Variants in FRMPD1 observed in about 807,000 individuals in gnomAD.
FRMPD1 encodes FERM and PDZ domain-containing protein 1.
Under a neutral mutation model 117.8 loss-of-function variants are expected in FRMPD1, and 76 were observed. The observed-to-expected ratio is 0.65, with a 90% CI of 0.54 to 0.78. The LOEUF is 0.78. Among genes scored for constraint, FRMPD1 ranks in the 30% least tolerant of loss-of-function variants. The probability of loss-of-function intolerance (pLI) is 0.00; values close to 1 mark genes in which losing one functional copy is unlikely to be tolerated. For synonymous variants in FRMPD1, 783 were observed against 770.4 expected (o/e 1.02, Z -0.27); for missense variants, 1,786 against 1,964.5 (o/e 0.91, Z 1.72).
At chr9:37,716,370 G>C (rs55668414) in intron 5 of FRMPD1, among the ~76,000 whole-genome samples, 1 of 152,206 alleles carries the variant, frequency 6.6e-6, no homozygotes, top group African/African-American at 2.4e-5. Flanking sequence ...CTTTTGCCCA[G>C]TGTTCTGGCA....
chr9:37,619,331 T>C, the FRMPD1 span, among the ~76,000 whole-genome samples: 1 of 152,232 alleles, frequency 6.6e-6, no homozygotes, highest in Non-Finnish European at 1.5e-5. Flanking sequence ...TCTTTGTTAT[T>C]TCCTTATACT....
the FRMPD1 span, among the ~76,000 whole-genome samples, chr9:37,610,695 A>G: frequency 1.3e-5 from 2 of 152,032 alleles, no homozygotes; most frequent in South Asian, 2.1e-4. Flanking sequence ...CCTGGGTTCA[A>G]GAGATTCTCC....
chr9:37,692,736 C>G lies in FRMPD1; in HGVS notation c.95C>G (p.Ser32Trp), dbSNP rs3747540. ...ARWLRRSRDSSARAKVAAADG... is the reference protein window; with the variant it reads ...ARWLRRSRDSWARAKVAAADG... ...TGGCTTCGGCGCTCCCGGGACAGCT[C>G]GGCCCGGTAAGCCTCCTGAGTTTGC... The change falls in exon 2 of 16, where the codon TCG becomes TGG. Residue 32 changes from serine to tryptophan, a missense_variant. By Grantham distance (177) the Ser-to-Trp change is radical (BLOSUM62 -3). Transcript: ENST00000377765. 2 of 1,610,492 alleles carry G rather than the reference C, an allele frequency of 1.2e-6. No individual in the cohort carries two copies. Among genetic ancestry groups the G allele is most frequent in the East Asian group, 4.5e-5 (2 of 44,870 alleles).
At chr9:37,663,950 C>A in intron 1 of FRMPD1, among the ~76,000 whole-genome samples, 1 of 152,200 alleles carries the variant, frequency 6.6e-6, no homozygotes, top group Admixed American at 6.5e-5. Flanking sequence ...CATCTTTTCC[C>A]CGAATATTTT....
chr9:37,707,296 G>T, intron 2 of FRMPD1, 120 bp from the exon 3 acceptor site: 1 of 711,630 alleles, frequency 1.4e-6, no homozygotes, highest in Non-Finnish European at 2.3e-6. Flanking sequence ...TTTGTCTCAA[G>T]AGGAGAATTG....
intron 14 of FRMPD1, 148 bp from the exon 15 acceptor site, chr9:37,739,930 T>G: frequency 1.6e-6 from 1 of 617,744 alleles, no homozygotes; most frequent in Non-Finnish European, 2.9e-6. Context: ...TCGGATCCCG[T>G]GTTCGTCAGT....
rs1822183911 is a variant in FRMPD1 at position 37,692,713 on chromosome 9, G to A, written c.72G>A (p.Trp24Ter). The change falls in exon 2 of 16, where the codon TGG becomes TGA. Residue 24 changes from tryptophan (W) to a stop codon, truncating the protein, a stop_gained. Coordinates refer to ENST00000377765, the MANE Select transcript of FRMPD1 (RefSeq NM_014907.3). LOFTEE classifies it high-confidence loss of function. ...AHRIEQMVARWLRRSRDSSAR... is the reference protein window; with the variant it reads ...AHRIEQMVAR ...GAATAGAACAAATGGTGGCAAGATGGCTTCGGCGCTCCCGGGACAGCTCGG... is the reference window on the plus strand; with the variant it reads ...GAATAGAACAAATGGTGGCAAGATGACTTCGGCGCTCCCGGGACAGCTCGG... The A allele has an allele frequency of 1.2e-6, 2 of 1,613,872 alleles. No homozygotes were observed. Among genetic ancestry groups the A allele is most frequent in the Non-Finnish European group, 1.7e-6 (2 of 1,179,812 alleles).
rs1418421296 is a variant in FRMPD1, at chr9:37,740,475, G to A, written c.1947G>A (p.Gly649=). The change falls in exon 15 of 16, where the codon GGG becomes GGA. Residue 649 remains glycine (G), a synonymous_variant. Transcript: ENST00000377765. This position sits in a 1 kb window ranked among gnomAD's most constrained non-coding sequence, Gnocchi z 4.2. ...IDSDSQEERS[G]IETSGFLCLL... ...CTGACAGCCAGGAGGAGAGAAGCGG[G>A]ATTGAAACCAGTGGCTTCCTCTGTC... 1 of 1,614,196 alleles carries A rather than the reference G, an allele frequency of 6.2e-7. No individual in the cohort carries two copies. Among genetic ancestry groups the A allele is most frequent in the East Asian group, 2.2e-5 (1 of 44,882 alleles).
At chr9:37,667,823 G>C (rs193189583) in intron 1 of FRMPD1, among the ~76,000 whole-genome samples, 1 of 152,178 alleles carries the variant, frequency 6.6e-6, no homozygotes, top group East Asian at 1.9e-4. Context: ...GAGCCGGCAT[G>C]AGGGCTGAGA....
intron 2 of FRMPD1, among the ~76,000 whole-genome samples, chr9:37,705,838 G>A (rs1274769134): frequency 6.6e-6 from 1 of 151,844 alleles, no homozygotes; most frequent in African/African-American, 2.4e-5. Context: ...TTAACCGGGT[G>A]TGGTAGCACG....
At chr9:37,710,678 T>G (rs977571319) in intron 4 of FRMPD1, among the ~76,000 whole-genome samples, 4 of 152,054 alleles carry the variant, frequency 2.6e-5, no homozygotes, top group Non-Finnish European at 4.4e-5. Flanking sequence ...CCTAAAAAAT[T>G]TTTTTGGGTT....
chr9:37,653,677 A>G (rs1173715485), intron 1 of FRMPD1, among the ~76,000 whole-genome samples: 1 of 152,224 alleles, frequency 6.6e-6, no homozygotes. Context: ...AGCTCTAAAT[A>G]TATCAGCTTT....
intron 7 of FRMPD1, among the ~76,000 whole-genome samples, chr9:37,727,641 C>T (rs548905590): frequency 6.6e-6 from 1 of 152,176 alleles, no homozygotes; most frequent in African/African-American, 2.4e-5. Context: ...ACACAGGCAG[C>T]ACTCAGTTAA....
At chr9:37,611,155 C>A in the FRMPD1 span, among the ~76,000 whole-genome samples, 1 of 152,148 alleles carries the variant, frequency 6.6e-6, no homozygotes, top group African/African-American at 2.4e-5. Context: ...CAAAGTCCAG[C>A]CCTGCAGTCT....
In FRMPD1 at chr9:37,697,498, C is replaced by T. The variant is rs373191234; in HGVS notation, c.101+4756C>T. Among the ~76,000 whole-genome samples the T allele has an allele frequency of 1.9e-3, 295 of 151,540 alleles. 1 individual carries two copies. Among genetic ancestry groups the T allele is most frequent in the African/African-American group, 6.8e-3 (279 of 41,286 alleles). ...AGGAGAATGGCGTGAACCAGGGAGG[C>T]GGAGCTTGCAGTGAGCCGAGATAGC... is the stretch of plus-strand genomic sequence containing the variant. On this transcript the variant is annotated intron_variant, in intron 2 of 15. Coordinates refer to ENST00000377765, the MANE Select transcript of FRMPD1 (RefSeq NM_014907.3).
At position 37,743,039 on chromosome 9, in the gene FRMPD1, G is replaced by A. The variant is rs543234191; in HGVS notation, c.2357-1350G>A. Among the ~76,000 whole-genome samples the A allele has an allele frequency of 2.0e-5, 3 of 152,302 alleles. No individual in the cohort carries two copies. In the South Asian group the frequency reaches 6.2e-4, roughly 32 times the overall value. On this transcript the variant is annotated intron_variant, in intron 15 of 15. Coordinates refer to ENST00000377765, the MANE Select transcript of FRMPD1 (RefSeq NM_014907.3). ...GCATACAGCCAGGTTAGAAATGACT[G>A]GTCTGACTACCCAAGCTCTCTGATT...
intron 1 of FRMPD1, among the ~76,000 whole-genome samples, chr9:37,670,483 G>C (rs1821313800): frequency 6.6e-6 from 1 of 152,144 alleles, no homozygotes; most frequent in African/African-American, 2.4e-5. Context: ...GTTTGGGCGT[G>C]GGTAAATAAC....
Position 37,667,062 on chromosome 9 carries a change from C to CTTTTTTTTTT in FRMPD1, c.-5+15975_-5+15984dup, listed in dbSNP as rs573955616. 1.6e-4 allele frequency among the ~76,000 whole-genome samples: 18 copies of CTTTTTTTTTT among 111,054 alleles called. 4 individuals are homozygous for CTTTTTTTTTT. Among genetic ancestry groups the CTTTTTTTTTT allele is most frequent in the African/African-American group, 4.0e-4 (10 of 25,290 alleles). The allele number at this position is 111,054 out of a possible 152,430, so 72.9% of individuals were successfully genotyped here. On this transcript the variant is annotated intron_variant, in intron 1 of 15. Transcript: ENST00000377765. ...GGAAAAGAGAGACAATTGAAGCATGCTTTTTTTTTTTTTTTTCCTGAGACA... is the reference window on the plus strand; with the variant it reads ...GGAAAAGAGAGACAATTGAAGCATGCTTTTTTTTTTTTTTTTTTTTTTTTTTCCTGAGACA...
chr9:37,723,062 G>A (rs1294793450), intron 6 of FRMPD1, among the ~76,000 whole-genome samples: 3 of 152,082 alleles, frequency 2.0e-5, no homozygotes, highest in Admixed American at 2.0e-4. Context: ...ATGCATCTAG[G>A]GTGATAATTG....
Sources: gnomAD v4.1 joint callset for allele counts (sites outside exome capture counted in the v4.1 genomes callset) on GRCh38, gnomAD v4.1.1 for gene constraint, Gnocchi (gnomAD v3.1) non-coding constraint, MANE v1.5 for transcripts, NCBI Gene and HGNC (gene_info 2026-07-23, HGNC 2026-07-21) for gene names.